The following LOXHD1 variants were observed in gnomAD, a reference collection of about 807,000 sequenced individuals.
The protein encoded by LOXHD1 is lipoxygenase homology PLAT domains 1.
In LOXHD1, 205 loss-of-function variants were observed where a neutral mutation model predicts 248.2. The ratio of observed to expected loss-of-function variants is 0.83; its 90% CI spans 0.74 to 0.93. The LOEUF (loss-of-function observed/expected upper bound fraction) is 0.93. LOXHD1 is among the 40% of genes least tolerant of loss of function. The pLI is 0.00. For synonymous variants in LOXHD1, 1,113 were observed against 1,162.8 expected, an observed-to-expected ratio of 0.96 and a Z score of 0.87; for missense variants, 2,930 against 2,971.6, an observed-to-expected ratio of 0.99 and a Z score of 0.33.
chr18:46,508,760 G>A (rs1280036201), intron 35 of LOXHD1, among the ~76,000 whole-genome samples: 1 of 152,206 alleles, frequency 6.6e-6, no homozygotes, highest in East Asian at 1.9e-4. Context: ...TGAGTCTGGT[G>A]CTGCAGATGA....
chr18:46,524,676 TG>T, intron 30 of LOXHD1, 31 bp downstream of exon 30: 1 of 1,551,334 alleles, frequency 6.4e-7, no homozygotes, highest in Non-Finnish European at 8.7e-7. Flanking sequence ...GGCATGAGGA[TG>T]GCCACAGGCC....
In LOXHD1 at chr18:46,641,851, C is replaced by T; in HGVS notation, c.326+105G>A. The T allele has an allele frequency of 2.5e-6, 3 of 1,177,610 alleles. No homozygotes were observed. In the South Asian group the frequency reaches 4.1e-5, roughly 16 times the overall value. The allele number at this position is 1,177,610 out of a possible 1,614,324, so 72.9% of individuals were successfully genotyped here. A position where few individuals can be genotyped will look rare whatever the true frequency, so the allele number is the denominator to read the frequency against. The stretch of plus-strand genomic sequence containing the variant: ...AAGATTTGGGCCTTTGGTAGCCCCT[C>T]AAATAACATCTGGGAAGTAATTCAT... On this transcript the variant is annotated intron_variant, in intron 3 of 40. Transcript: ENST00000642948.
intron 22 of LOXHD1, 54 bp downstream of exon 22, chr18:46,546,841 G>A (rs1279684912): frequency 8.6e-6 from 13 of 1,514,798 alleles, no homozygotes; most frequent in Non-Finnish European, 1.2e-5. Context: ...TAGGGTTAGG[G>A]AGAGGCAGAG....
At chr18:46,618,787 T>C (rs1599053828) in intron 4 of LOXHD1, among the ~76,000 whole-genome samples, 2 of 152,212 alleles carry the variant, frequency 1.3e-5, no homozygotes, top group Non-Finnish European at 2.9e-5. Flanking sequence ...CTGGGAAAAC[T>C]GGATTCTGCA....
chr18:46,592,173 C>T (rs999851741), intron 11 of LOXHD1, 105 bp from the exon 12 acceptor site: 2 of 1,429,872 alleles, frequency 1.4e-6, no homozygotes, highest in Non-Finnish European at 1.9e-6. Context: ...AAGGCTATTT[C>T]CTGGAGATAA....
chr18:46,518,255 A>T lies in LOXHD1; in HGVS notation c.5273T>A (p.Val1758Asp), dbSNP rs727503139. 5.8e-6 allele frequency: 9 copies of T among 1,551,026 alleles called. No individual in the cohort carries two copies. Among genetic ancestry groups the T allele is most frequent in the African/African-American group, 1.4e-5 (1 of 72,974 alleles). ...DAMVVNIGVK[V>D]LYEMTVWTGD... ...TGTCCACACCGTCATTTCATAGAGAACCTGCCATGAGAGGAATGCAGGTGC... is the reference window on the plus strand; with the variant it reads ...TGTCCACACCGTCATTTCATAGAGATCCTGCCATGAGAGGAATGCAGGTGC... Residue 1758 changes from valine (V) to aspartate (D), a missense_variant and splice_region_variant, in exon 34 of 41, where the codon GTT (valine) becomes GAT (aspartate). By Grantham distance (152) the Val-to-Asp change is radical. Coordinates refer to ENST00000642948, the MANE Select transcript of LOXHD1 (RefSeq NM_001384474.1).
At chr18:46,627,874 T>C (rs766480583) in intron 4 of LOXHD1, among the ~76,000 whole-genome samples, 8 of 152,206 alleles carry the variant, frequency 5.3e-5, no homozygotes, top group Non-Finnish European at 1.0e-4. Flanking sequence ...CATACCCCAC[T>C]TAGAATATTC....
chr18:46,481,679 G>A (rs557399474), intron 40 of LOXHD1, among the ~76,000 whole-genome samples: 10 of 152,162 alleles, frequency 6.6e-5, no homozygotes, highest in Middle Eastern at 3.2e-3. Context: ...CTTCCTCCCC[G>A]CTCCAGCCCT....
intron 4 of LOXHD1, among the ~76,000 whole-genome samples, chr18:46,631,718 T>A (rs186260153): frequency 6.6e-5 from 10 of 152,222 alleles, no homozygotes; most frequent in Non-Finnish European, 1.5e-4. Flanking sequence ...AGGAGCCAAC[T>A]CAGTTAGCAA....
At chr18:46,622,963 C>G (rs2038689356) in intron 4 of LOXHD1, among the ~76,000 whole-genome samples, 1 of 152,218 alleles carries the variant, frequency 6.6e-6, no homozygotes, top group Admixed American at 6.5e-5. Flanking sequence ...GAGTGCACCC[C>G]TGTTCCTGAT....
rs1309322879 is a variant in LOXHD1 at position 46,560,219 on chromosome 18, TTCC to T, written c.2922_2924del (p.Glu978del). On this transcript the variant is annotated inframe_deletion, in exon 19 of 41. Transcript: ENST00000642948. ...GCATCCCCGGCCCAAACTCCTCCTC[TTCC>T]TCCTCTTCTTCCATCTCCTCCTCCT... 6 of 1,551,644 alleles carry T rather than the reference TTCC, an allele frequency of 3.9e-6. 1 individual carries two copies. Among genetic ancestry groups the T allele is most frequent in the South Asian group, 1.2e-5 (1 of 84,030 alleles).
At chr18:46,478,057 A>T in intron 40 of LOXHD1, 105 bp from the exon 41 acceptor site, 2 of 1,376,156 alleles carry the variant, frequency 1.5e-6, no homozygotes, top group Non-Finnish European at 1.9e-6. Flanking sequence ...ATCCCTTCCC[A>T]AGGTGATGGG....
At chr18:46,599,473 T>C (rs1312326877) in intron 8 of LOXHD1, among the ~76,000 whole-genome samples, 1 of 152,098 alleles carries the variant, frequency 6.6e-6, no homozygotes, top group Non-Finnish European at 1.5e-5. Flanking sequence ...AAAATATAAA[T>C]GGAAAAATTA....
At chr18:46,656,424 G>A (rs911374127) in intron 1 of LOXHD1, among the ~76,000 whole-genome samples, 5 of 152,112 alleles carry the variant, frequency 3.3e-5, no homozygotes, top group African/African-American at 1.2e-4. Flanking sequence ...GGCCGCCTTC[G>A]ACATATGGGA....
intron 27 of LOXHD1, 127 bp downstream of exon 27, chr18:46,534,208 A>C: frequency 1.6e-6 from 1 of 640,194 alleles, no homozygotes; most frequent in East Asian, 2.8e-5. Flanking sequence ...AACTGGGTGA[A>C]TTTTCATTAT....
At chr18:46,644,792 C>T (rs776115433) in intron 2 of LOXHD1, among the ~76,000 whole-genome samples, 9 of 152,102 alleles carry the variant, frequency 5.9e-5, no homozygotes, top group African/African-American at 2.2e-4. Context: ...TGAATACATA[C>T]GTTCCAAAGC....
chr18:46,489,473 TC>T (rs2033310518), intron 37 of LOXHD1, among the ~76,000 whole-genome samples: 1 of 152,192 alleles, frequency 6.6e-6, no homozygotes, highest in Non-Finnish European at 1.5e-5. Context: ...CTCATAGCTG[TC>T]ATTAATTTAT....
chr18:46,564,703 T>C (rs576323421), intron 17 of LOXHD1, among the ~76,000 whole-genome samples: 2 of 152,218 alleles, frequency 1.3e-5, no homozygotes, highest in Non-Finnish European at 2.9e-5. Flanking sequence ...TCTTCTTGAT[T>C]AGTATCTATA....
At position 46,483,753 on chromosome 18, in the gene LOXHD1, A is replaced by G; in HGVS notation, c.6183-8T>C. On this transcript the variant is annotated splice_polypyrimidine_tract_variant and splice_region_variant and intron_variant, in intron 39 of 40. Coordinates refer to ENST00000642948, the MANE Select transcript of LOXHD1 (RefSeq NM_001384474.1). ...AACGTGTCTGTGGTCCCCCTGCAGGAAACAAAAGTGTGGTCCATGAGCTGC... is the reference window on the plus strand; with the variant it reads ...AACGTGTCTGTGGTCCCCCTGCAGGGAACAAAAGTGTGGTCCATGAGCTGC... 1.9e-6 allele frequency: 3 copies of G among 1,538,780 alleles called. No homozygotes were observed. The highest frequency in any genetic ancestry group is 2.6e-6 in the Non-Finnish European group (3 of 1,138,386).
Sources: allele counts gnomAD v4.1 joint callset (sites outside exome capture counted in the v4.1 genomes callset), GRCh38; gene constraint gnomAD v4.1.1; transcripts MANE v1.5; gene names NCBI Gene and HGNC (gene_info 2026-07-23, HGNC 2026-07-21).